The following ADGRV1 variants were observed in gnomAD, a reference collection of about 807,000 sequenced individuals.
ADGRV1 encodes adhesion G protein-coupled receptor V1.
ADGRV1 carries 359 observed loss-of-function variants against 596.2 expected under a neutral mutation model. That is an observed-to-expected ratio of 0.60 (90% CI 0.55 to 0.66). ADGRV1 has a LOEUF of 0.66. Among genes scored for constraint, ADGRV1 ranks in the 30% least tolerant of loss-of-function variants. ADGRV1 has a pLI of 0.00. For missense variants in ADGRV1, 7,274 were observed against 7,575.6 expected, an observed-to-expected ratio of 0.96 and a Z score of 1.48; for synonymous variants, 2,681 against 2,679.2, an observed-to-expected ratio of 1.00 and a Z score of -0.02.
At position 90,692,614 on chromosome 5, in the gene ADGRV1, G is replaced by A. The variant is rs776228709; in HGVS notation, c.6961G>A (p.Val2321Met). The A allele has an allele frequency of 2.5e-6, 4 of 1,606,820 alleles. No homozygotes were observed. Among genetic ancestry groups the A allele is most frequent in the Non-Finnish European group, 3.4e-6 (4 of 1,177,066 alleles). Reference protein sequence around the residue: ...DVPEIEEVIQVQLTDASGGGT... With the variant: ...DVPEIEEVIQMQLTDASGGGT... ...TTCACTGTATTTTTAGGTTATCCAA[G>A]TGCAACTAACTGATGCCTCTGGTGG... The change falls in exon 32 of 90, where the codon GTG becomes ATG. Residue 2321 changes from valine to methionine, a missense_variant. By Grantham distance (21) the Val-to-Met change is conservative (BLOSUM62 1). This residue lies in a region of ADGRV1 where 3,643 missense variants were observed against 3,809.2 expected (regional missense o/e 0.96). Transcript: ENST00000405460.
intron 21 of ADGRV1, among the ~76,000 whole-genome samples, chr5:90,664,526 G>T (rs913459831): frequency 1.4e-5 from 2 of 141,126 alleles, no homozygotes; most frequent in African/African-American, 5.4e-5. Flanking sequence ...GAGACAGTGG[G>T]GTTTTCTAGA....
chr5:90,928,797 C>T (rs978871762), intron 83 of ADGRV1, among the ~76,000 whole-genome samples: 3 of 151,590 alleles, frequency 2.0e-5, no homozygotes, highest in Non-Finnish European at 2.9e-5. Flanking sequence ...TAGTGATGTA[C>T]AGATGGGTTT....
intron 85 of ADGRV1, among the ~76,000 whole-genome samples, chr5:91,005,275 A>G (rs1449317557): frequency 6.6e-6 from 1 of 152,196 alleles, no homozygotes; most frequent in Non-Finnish European, 1.5e-5. Flanking sequence ...ATACTTATGT[A>G]AAGAAATTTA....
At chr5:90,820,785 G>A (rs1436738473) in intron 75 of ADGRV1, among the ~76,000 whole-genome samples, 7 of 151,778 alleles carry the variant, frequency 4.6e-5, no homozygotes, top group African/African-American at 7.3e-5. Flanking sequence ...CGAGAGATCC[G>A]CTGTTAGTCT....
chr5:90,760,462 G>C (rs1176584681), intron 58 of ADGRV1, among the ~76,000 whole-genome samples: 1 of 152,134 alleles, frequency 6.6e-6, no homozygotes, highest in Non-Finnish European at 1.5e-5. Flanking sequence ...TTTATTGGCT[G>C]TAGTAGATCA....
chr5:91,049,064 TA>T (rs35755357), intron 85 of ADGRV1, among the ~76,000 whole-genome samples: 34,952 of 148,164 alleles, frequency 0.24, 4,318 homozygotes, highest in Non-Finnish European at 0.29. Context: ...TGCTTTTCCT[TA>T]AAAAAAAAAA....
Position 90,985,460 on chromosome 5 carries a change from T to G in ADGRV1, c.18090T>G (p.Val6030=), listed in dbSNP as rs1190782348. The G allele has an allele frequency of 6.2e-7, 1 of 1,613,854 alleles. No individual in the cohort carries two copies. Among genetic ancestry groups the G allele is most frequent in the Non-Finnish European group, 8.5e-7 (1 of 1,179,776 alleles). The change falls in exon 85 of 90, where the codon GTT becomes GTG. Residue 6030 remains valine (V), a synonymous_variant. Transcript: ENST00000405460. ...CTTTTGTGGTGATTCTCCTCATAGT[T>G]ATTTTGAAAGGAATCTATCATCAGA... ...LPAFVVILLI[V]ILKGIYHQSM...
chr5:91,057,117 C>A (rs186123362), intron 85 of ADGRV1, among the ~76,000 whole-genome samples: 21 of 152,298 alleles, frequency 1.4e-4, no homozygotes, highest in Middle Eastern at 3.4e-3. Context: ...AGGTAATAGG[C>A]CAACTATATG....
chr5:90,960,131 T>TC lies in ADGRV1; in HGVS notation c.17857-5283dup, dbSNP rs1415883798. 8.0e-5 allele frequency among the ~76,000 whole-genome samples: 10 copies of TC among 125,148 alleles called. No individual in the cohort carries two copies. In the East Asian group the frequency reaches 1.1e-3, roughly 14 times the overall value. 82.1% of individuals were successfully genotyped at this position (125,148 alleles called of 152,430 possible). On this transcript the variant is annotated intron_variant, in intron 83 of 89. Transcript: ENST00000405460. ...TCCAGCCTGGGTGACAGACCGAGAC[T>TC]CATCTCAAAAAAAAAAAAAAAACAA... is the stretch of plus-strand genomic sequence containing the variant.
chr5:91,022,495 G>A (rs1404537034), intron 85 of ADGRV1, among the ~76,000 whole-genome samples: 1 of 151,998 alleles, frequency 6.6e-6, no homozygotes, highest in Admixed American at 6.6e-5. Flanking sequence ...TGATTCAGAG[G>A]CTCAGTAGGT....
intron 1 of ADGRV1, among the ~76,000 whole-genome samples, chr5:90,597,438 G>C (rs1760833205): frequency 1.3e-5 from 2 of 152,228 alleles, no homozygotes; most frequent in African/African-American, 4.8e-5. Context: ...TTTCCTAAAT[G>C]TATTTCTAAC....
intron 76 of ADGRV1, 110 bp from the exon 77 acceptor site, chr5:90,828,828 ATATATT>A: frequency 3.7e-6 from 2 of 545,270 alleles, no homozygotes; most frequent in Non-Finnish European, 5.7e-6. Flanking sequence ...CTCTAGATTT[ATATATT>A]TATTTCTCTA....
chr5:90,778,702 A>C (rs1000653760), intron 63 of ADGRV1, 93 bp downstream of exon 63: 1 of 1,140,032 alleles, frequency 8.8e-7, no homozygotes, highest in Non-Finnish European at 1.2e-6. Context: ...TCATAAACTG[A>C]TTAATTTGCT....
At chr5:90,596,820 C>CGAGGGA (rs1405130493) in intron 1 of ADGRV1, among the ~76,000 whole-genome samples, 2 of 144,094 alleles carry the variant, frequency 1.4e-5, no homozygotes, top group Non-Finnish European at 3.0e-5. Flanking sequence ...AGGGCGAGGG[C>CGAGGGA]GAGGGAGAGG....
intron 84 of ADGRV1, among the ~76,000 whole-genome samples, chr5:90,968,826 T>C (rs1355787269): frequency 6.6e-6 from 1 of 152,214 alleles, no homozygotes; most frequent in Non-Finnish European, 1.5e-5. Context: ...ACTTTAATGA[T>C]TCTACTTCAT....
chr5:90,957,413 C>T (rs1410850895), intron 83 of ADGRV1, among the ~76,000 whole-genome samples: 1 of 151,428 alleles, frequency 6.6e-6, no homozygotes, highest in East Asian at 1.9e-4. Flanking sequence ...AAAGACTAGT[C>T]TTGGTGTTAA....
chr5:90,739,645 C>T (rs1017887729), intron 50 of ADGRV1, among the ~76,000 whole-genome samples: 6 of 152,132 alleles, frequency 3.9e-5, no homozygotes, highest in African/African-American at 9.7e-5. Flanking sequence ...GTTGCCTGGG[C>T]GTAGTAATTG....
chr5:90,886,725 C>A (rs901091211), intron 83 of ADGRV1, among the ~76,000 whole-genome samples: 4 of 152,126 alleles, frequency 2.6e-5, no homozygotes, highest in African/African-American at 9.7e-5. Flanking sequence ...GTTTAACATC[C>A]GCTTGAAAAC....
At chr5:90,947,576 C>T (rs116683863) in intron 83 of ADGRV1, among the ~76,000 whole-genome samples, 1,677 of 151,324 alleles carry the variant, frequency 0.011, 33 homozygotes, top group African/African-American at 0.039. Flanking sequence ...CAGGTGTAGA[C>T]GGCATTAGAG....
Sources: allele counts gnomAD v4.1 joint callset (sites outside exome capture counted in the v4.1 genomes callset), GRCh38; gene constraint gnomAD v4.1.1; regional missense constraint gnomAD v4.1.1; transcripts MANE v1.5; gene names NCBI Gene and HGNC (gene_info 2026-07-23, HGNC 2026-07-21).